The following SPTLC1 variants were observed in gnomAD, a reference collection of about 807,000 sequenced individuals.
SPTLC1 encodes the protein serine palmitoyltransferase long chain base subunit 1, also known as serine palmitoyltransferase 1.
In SPTLC1, 55 loss-of-function variants were observed where a neutral mutation model predicts 68.9. The ratio of observed to expected loss-of-function variants is 0.80; its 90% confidence interval spans 0.64 to 1.00. The LOEUF (loss-of-function observed/expected upper bound fraction) is 1.00, where lower values mean the gene tolerates loss of function less well. Ranked by LOEUF, SPTLC1 falls within the 50% of genes least tolerant of loss-of-function variation. The pLI is 0.00. For missense variants in SPTLC1, 449 were observed against 573.1 expected (o/e 0.78, Z 2.21); for synonymous variants, 197 against 201.6 (o/e 0.98, Z 0.19).
At chr9:92,058,035 C>A (rs1217851920) in intron 7 of SPTLC1, among the ~76,000 whole-genome samples, 1 of 152,174 alleles carries the variant, frequency 6.6e-6, no homozygotes, top group African/African-American at 2.4e-5. Context: ...GTACTGAAAA[C>A]AGACTAGCTT....
intron 3 of SPTLC1, among the ~76,000 whole-genome samples, chr9:92,091,388 G>A (rs1259598834): frequency 6.6e-6 from 1 of 152,186 alleles, no homozygotes; most frequent in African/African-American, 2.4e-5. Context: ...CAAGTATTCA[G>A]ACAGACGTGA....
chr9:92,067,882 T>C, intron 6 of SPTLC1, 84 bp downstream of exon 6: 2 of 1,467,622 alleles, frequency 1.4e-6, no homozygotes, highest in Admixed American at 1.7e-5. Context: ...TTTATGCAGA[T>C]AACTTCTAAT....
At chr9:92,043,681 T>C (rs1385741985) in intron 12 of SPTLC1, among the ~76,000 whole-genome samples, 1 of 152,240 alleles carries the variant, frequency 6.6e-6, no homozygotes, top group African/African-American at 2.4e-5. Context: ...TCGCAGGTCA[T>C]GGCTCCCAAC....
chr9:92,062,882 G>A (rs1834153605), intron 6 of SPTLC1, among the ~76,000 whole-genome samples: 1 of 152,194 alleles, frequency 6.6e-6, no homozygotes, highest in Non-Finnish European at 1.5e-5. Flanking sequence ...CTAAAGTAGT[G>A]TTGAGAGGGC....
At chr9:92,097,255 G>C (rs1160011373) in intron 3 of SPTLC1, among the ~76,000 whole-genome samples, 1 of 152,166 alleles carries the variant, frequency 6.6e-6, no homozygotes, top group Admixed American at 6.5e-5. Context: ...AAACAGTTTG[G>C]GGGTTCCTCA....
At chr9:92,070,684 A>AG (rs2118616766) in intron 5 of SPTLC1, among the ~76,000 whole-genome samples, 1 of 152,206 alleles carries the variant, frequency 6.6e-6, no homozygotes, top group East Asian at 1.9e-4. Context: ...TCTGTCAAAT[A>AG]GGGGGGATAG....
chr9:92,064,837 G>A (rs1425536455), intron 6 of SPTLC1, among the ~76,000 whole-genome samples: 1 of 152,172 alleles, frequency 6.6e-6, no homozygotes, highest in Non-Finnish European at 1.5e-5. Flanking sequence ...TACGCTAAAT[G>A]AAAAAAGCCA....
chr9:92,078,285 A>C (rs1834755319), intron 5 of SPTLC1, among the ~76,000 whole-genome samples: 1 of 152,186 alleles, frequency 6.6e-6, no homozygotes, highest in African/African-American at 2.4e-5. Flanking sequence ...CAACAACCCC[A>C]TAAAATGTGC....
At chr9:92,049,245 G>T (rs1311292616) in intron 9 of SPTLC1, among the ~76,000 whole-genome samples, 1 of 152,156 alleles carries the variant, frequency 6.6e-6, no homozygotes, top group Admixed American at 6.5e-5. Context: ...TGTAACACAG[G>T]TTGCACAGCT....
At chr9:92,071,722 C>T (rs1031586399) in intron 5 of SPTLC1, among the ~76,000 whole-genome samples, 3 of 152,186 alleles carry the variant, frequency 2.0e-5, no homozygotes, top group Non-Finnish European at 2.9e-5. Flanking sequence ...CTGTGACCCA[C>T]ACGTACACAT....
chr9:92,042,887 C>A (rs549159677), intron 12 of SPTLC1, among the ~76,000 whole-genome samples: 1 of 152,320 alleles, frequency 6.6e-6, no homozygotes, highest in South Asian at 2.1e-4. Context: ...GTATATGATA[C>A]AGTACTGTCA....
chr9:92,105,535 G>A, intron 3 of SPTLC1: 1 of 602,192 alleles, frequency 1.7e-6, no homozygotes, highest in Non-Finnish European at 2.9e-6. Flanking sequence ...GTACCATCTG[G>A]GAAGTGAGGA....
chr9:92,106,156 C>T (rs1282673838), intron 3 of SPTLC1, among the ~76,000 whole-genome samples: 1 of 152,166 alleles, frequency 6.6e-6, no homozygotes, highest in Non-Finnish European at 1.5e-5. Flanking sequence ...CGTCTCTGCC[C>T]GCTGCTGTGC....
Position 92,080,971 on chromosome 9 carries a change from A to T in SPTLC1, c.261-8T>A, listed in dbSNP as rs765820226. 1.9e-6 allele frequency: 3 copies of T among 1,604,264 alleles called. No homozygotes were observed. In the East Asian group the frequency reaches 6.7e-5, roughly 36 times the overall value. ...GTTTTGTGGCTTGGAGGGCTAGGGAAGAGATAGAGTGGTACATGTCAATTA... is the reference window on the plus strand; with the variant it reads ...GTTTTGTGGCTTGGAGGGCTAGGGATGAGATAGAGTGGTACATGTCAATTA... On this transcript the variant is annotated splice_polypyrimidine_tract_variant and splice_region_variant and intron_variant, in intron 3 of 14. Coordinates refer to ENST00000262554, the MANE Select transcript of SPTLC1 (RefSeq NM_006415.4).
chr9:92,036,838 C>T (rs1422165684), intron 13 of SPTLC1, among the ~76,000 whole-genome samples: 2 of 152,140 alleles, frequency 1.3e-5, no homozygotes, highest in Non-Finnish European at 2.9e-5. Flanking sequence ...CGTTACAATA[C>T]AAACAATGAG....
chr9:92,031,393 A>T lies in SPTLC1; in HGVS notation c.*1072T>A, dbSNP rs2118308688. Reference sequence around the variant, plus strand: ...TCTTCTACCTTTAACAAGAGAAGGAATGATGGCATAATATTTATATGCTAT... The same window carrying T: ...TCTTCTACCTTTAACAAGAGAAGGATTGATGGCATAATATTTATATGCTAT... On this transcript the variant is annotated 3_prime_UTR_variant, in exon 15 of 15. Transcript: ENST00000262554. 6.6e-6 allele frequency: 1 copy of T among 152,634 alleles called. No individual in the cohort carries two copies. The highest frequency in any genetic ancestry group is 1.5e-5 in the Non-Finnish European group (1 of 68,014). 9.5% of individuals were successfully genotyped at this position (152,634 alleles called of 1,614,324 possible).
At chr9:92,059,338 G>T (rs1321470058) in intron 6 of SPTLC1, 30 bp from the exon 7 acceptor site, 1 of 1,612,412 alleles carries the variant, frequency 6.2e-7, no homozygotes, top group Non-Finnish European at 8.5e-7. Flanking sequence ...ACCAAATTGG[G>T]TTTAAAGGGT....
intron 3 of SPTLC1, among the ~76,000 whole-genome samples, chr9:92,083,512 G>A (rs1233700418): frequency 1.3e-5 from 2 of 152,172 alleles, no homozygotes; most frequent in African/African-American, 4.8e-5. Flanking sequence ...TTTCCCCAAT[G>A]CTTGATTTTC....
At chr9:92,066,153 A>C (rs1834271658) in intron 6 of SPTLC1, among the ~76,000 whole-genome samples, 1 of 152,186 alleles carries the variant, frequency 6.6e-6, no homozygotes, top group East Asian at 1.9e-4. Context: ...ACAGATATAA[A>C]ATTATAAACT....
Sources: gnomAD v4.1 joint callset for allele counts (sites outside exome capture counted in the v4.1 genomes callset) on GRCh38, gnomAD v4.1.1 for gene constraint, MANE v1.5 for transcripts, NCBI Gene and HGNC (gene_info 2026-07-23, HGNC 2026-07-21) for gene names.